OR5H14: variants seen among roughly 807,000 people sequenced by gnomAD.
The protein encoded by OR5H14 is olfactory receptor 5H14.
For synonymous variants in OR5H14, 155 were observed against 130.6 expected (o/e 1.19, Z -1.28); for missense variants, 392 against 363.9 (o/e 1.08, Z -0.63).
At position 98,151,455 on chromosome 3, in the gene OR5H14, C is replaced by G. The variant is rs1708506657; in HGVS notation, c.*1137C>G. On this transcript the variant is annotated 3_prime_UTR_variant, in exon 2 of 2. Transcript: ENST00000641380. The stretch of plus-strand genomic sequence containing the variant: ...GACACTGAAATTCCTTTCACTTTGT[C>G]ACTGATACCGAGACCCTTATCCTAA... 6.6e-6 allele frequency: 1 copy of G among 152,122 alleles called. No homozygotes were observed. Among genetic ancestry groups the G allele is most frequent in the South Asian group, 2.1e-4 (1 of 4,816 alleles). 9.4% of individuals were successfully genotyped at this position (152,122 alleles called of 1,614,324 possible). A position where few individuals can be genotyped will look rare whatever the true frequency, so the allele number is the denominator to read the frequency against.
At position 98,150,468 on chromosome 3, in the gene OR5H14, A is replaced by T. The variant is rs1005577302; in HGVS notation, c.*150A>T. ...TATGATATAAGCACCTATTTAACTA[A>T]TTAAAATATTCCTATGTTATTCAAA... is the stretch of plus-strand genomic sequence containing the variant. On this transcript the variant is annotated 3_prime_UTR_variant, in exon 2 of 2. Transcript: ENST00000641380. 2.1e-6 allele frequency: 1 copy of T among 477,170 alleles called. No individual in the cohort carries two copies. The highest frequency in any genetic ancestry group is 3.7e-6 in the Non-Finnish European group (1 of 271,266). The allele number at this position is 477,170 out of a possible 1,614,324, so 29.6% of individuals were successfully genotyped here.
chr3:98,151,867 A>T lies in OR5H14; in HGVS notation c.*1549A>T, dbSNP rs4857334. The T allele has an allele frequency of 1.3e-5, 2 of 151,940 alleles. No homozygotes were observed. The highest frequency in any genetic ancestry group is 4.1e-4 in the South Asian group (2 of 4,830). The allele number at this position is 151,940 out of a possible 1,614,324, so 9.4% of individuals were successfully genotyped here. A position where few individuals can be genotyped will look rare whatever the true frequency, so the allele number is the denominator to read the frequency against. On this transcript the variant is annotated 3_prime_UTR_variant, in exon 2 of 2. Coordinates refer to ENST00000641380, the MANE Select transcript of OR5H14 (RefSeq NM_001005514.2). ...ACCTATCATCAGAGTGAACAGGCAA[A>T]CTGCAGAATGGGAGAAAATTTTTGC...
chr3:98,147,886 CTGATA>C (rs1011137838), intron 1 of OR5H14, among the ~76,000 whole-genome samples: 3 of 151,890 alleles, frequency 2.0e-5, no homozygotes, highest in South Asian at 2.1e-4. Context: ...TGGAATTATT[CTGATA>C]TAAGTACCCA....
In OR5H14 at chr3:98,156,203, T is replaced by C. The variant is rs1708587933; in HGVS notation, c.*5885T>C. ...CTGTGTTATTATCAGATATGCTCTA[T>C]TATGTATTTTTCTCTGCTTTAGAAA... On this transcript the variant is annotated 3_prime_UTR_variant, in exon 2 of 2. Transcript: ENST00000641380. 2 of 152,186 alleles carry C rather than the reference T, an allele frequency of 1.3e-5. No individual in the cohort carries two copies. Among genetic ancestry groups the C allele is most frequent in the South Asian group, 4.1e-4 (2 of 4,830 alleles). The allele number at this position is 152,186 out of a possible 1,614,324, so 9.4% of individuals were successfully genotyped here.
chr3:98,151,796 G>A lies in OR5H14; in HGVS notation c.*1478G>A. 1 of 152,096 alleles carries A rather than the reference G, an allele frequency of 6.6e-6. No homozygotes were observed. Among genetic ancestry groups the A allele is most frequent in the East Asian group, 1.9e-4 (1 of 5,186 alleles). The allele number at this position is 152,096 out of a possible 1,614,324, so 9.4% of individuals were successfully genotyped here. ...TTCCAGTAGAAAGTTCCTACTTAGA[G>A]GTGAGTTGATGGTTTCTGATTGGTT... On this transcript the variant is annotated 3_prime_UTR_variant, in exon 2 of 2. Coordinates refer to ENST00000641380, the MANE Select transcript of OR5H14 (RefSeq NM_001005514.2).
intron 1 of OR5H14, 126 bp from the exon 2 acceptor site, chr3:98,149,242 A>G: frequency 9.6e-7 from 1 of 1,037,154 alleles, no homozygotes; most frequent in Non-Finnish European, 1.4e-6. Flanking sequence ...AGGATTTCTT[A>G]TTTATAATAA....
In OR5H14 at chr3:98,153,957, C is replaced by T. The variant is rs1380725325; in HGVS notation, c.*3639C>T. The T allele has an allele frequency of 6.6e-6, 1 of 152,152 alleles. No homozygotes were observed. Among genetic ancestry groups the T allele is most frequent in the Non-Finnish European group, 1.5e-5 (1 of 68,034 alleles). 9.4% of individuals were successfully genotyped at this position (152,152 alleles called of 1,614,324 possible). On this transcript the variant is annotated 3_prime_UTR_variant, in exon 2 of 2. Transcript: ENST00000641380. ...ATAATGAATGCACTATAATTTTCTA[C>T]TGAAATATATTTTCAAATATTTGAA...
chr3:98,150,476 A>G lies in OR5H14; in HGVS notation c.*158A>G. ...AAGCACCTATTTAACTAATTAAAAT[A>G]TTCCTATGTTATTCAAAAGGATTTG... On this transcript the variant is annotated 3_prime_UTR_variant, in exon 2 of 2. Coordinates refer to ENST00000641380, the MANE Select transcript of OR5H14 (RefSeq NM_001005514.2). The G allele has an allele frequency of 4.3e-6, 2 of 465,664 alleles. No homozygotes were observed. Among genetic ancestry groups the G allele is most frequent in the South Asian group, 5.9e-5 (1 of 16,862 alleles). The allele number at this position is 465,664 out of a possible 1,614,324, so 28.8% of individuals were successfully genotyped here. A position where few individuals can be genotyped will look rare whatever the true frequency, so the allele number is the denominator to read the frequency against.
rs372260126 is a variant in OR5H14, at chr3:98,149,926, A to T, written c.541A>T (p.Ile181Phe). 56 of 1,613,460 alleles carry T rather than the reference A, an allele frequency of 3.5e-5. No homozygotes were observed. The African/African-American group carries it at 5.9e-4, about 17-fold the overall frequency. ...SNIIQHFYCD[I>F]IPLLKISYTD... ...CATAATACAACACTTTTACTGTGAC[A>T]TTATCCCATTGTTAAAGATTTCTTA... The change falls in exon 2 of 2, where the codon ATT (isoleucine) becomes TTT (phenylalanine). Residue 181 changes from isoleucine to phenylalanine, a missense_variant. Transcript: ENST00000641380.
At chr3:98,148,801 T>C (rs1433800209) in intron 1 of OR5H14, among the ~76,000 whole-genome samples, 3 of 152,046 alleles carry the variant, frequency 2.0e-5, no homozygotes, top group Non-Finnish European at 2.9e-5. Flanking sequence ...TCACAATCTA[T>C]ATTTTTCATA....
At chr3:98,148,816 AC>A (rs2107316531) in intron 1 of OR5H14, among the ~76,000 whole-genome samples, 1 of 152,010 alleles carries the variant, frequency 6.6e-6, no homozygotes, top group African/African-American at 2.4e-5. Flanking sequence ...TTCATAAAAC[AC>A]CCTCCCAGAT....
chr3:98,155,474 C>T lies in OR5H14; in HGVS notation c.*5156C>T, dbSNP rs73856105. The T allele has an allele frequency of 9.2e-5, 14 of 151,982 alleles. No individual in the cohort carries two copies. The highest frequency in any genetic ancestry group is 3.1e-4 in the African/African-American group (13 of 41,368). 9.4% of individuals were successfully genotyped at this position (151,982 alleles called of 1,614,324 possible). ...TCTGGAAATTATATATAAACTAATCCGATAGAATGATAGAATGCCATTATG... is the reference window on the plus strand; with the variant it reads ...TCTGGAAATTATATATAAACTAATCTGATAGAATGATAGAATGCCATTATG... On this transcript the variant is annotated 3_prime_UTR_variant, in exon 2 of 2. Transcript: ENST00000641380.
Position 98,151,058 on chromosome 3 carries a change from T to A in OR5H14, c.*740T>A, listed in dbSNP as rs1192432087. The A allele has an allele frequency of 6.6e-6, 1 of 151,838 alleles. No individual in the cohort carries two copies. Among genetic ancestry groups the A allele is most frequent in the African/African-American group, 2.4e-5 (1 of 41,346 alleles). 9.4% of individuals were successfully genotyped at this position (151,838 alleles called of 1,614,324 possible). A position where few individuals can be genotyped will look rare whatever the true frequency, so the allele number is the denominator to read the frequency against. On this transcript the variant is annotated 3_prime_UTR_variant, in exon 2 of 2. Coordinates refer to ENST00000641380, the MANE Select transcript of OR5H14 (RefSeq NM_001005514.2). Reference sequence around the variant, plus strand: ...GAAAAGCTTCCCTAAATCAGAAAATTAAATGAAAAAATAGAACTTAGTTTA... The same window carrying A: ...GAAAAGCTTCCCTAAATCAGAAAATAAAATGAAAAAATAGAACTTAGTTTA...
rs1708563335 is a variant in OR5H14, at chr3:98,154,862, CA to C, written c.*4547del. 1 of 152,030 alleles carries C rather than the reference CA, an allele frequency of 6.6e-6. No individual in the cohort carries two copies. The highest frequency in any genetic ancestry group is 6.6e-5 in the Admixed American group (1 of 15,258). The allele number at this position is 152,030 out of a possible 1,614,324, so 9.4% of individuals were successfully genotyped here. ...AGATGGTAACAGTCTCTCCTCAAAGCAAACTTCCTCCTAGCTTGGGGATCTG... is the reference window on the plus strand; with the variant it reads ...AGATGGTAACAGTCTCTCCTCAAAGCAACTTCCTCCTAGCTTGGGGATCTG... On this transcript the variant is annotated 3_prime_UTR_variant, in exon 2 of 2. Transcript: ENST00000641380.
At chr3:98,148,857 G>T (rs1215612057) in intron 1 of OR5H14, among the ~76,000 whole-genome samples, 1 of 151,912 alleles carries the variant, frequency 6.6e-6, no homozygotes, top group Non-Finnish European at 1.5e-5. Flanking sequence ...GTTTGGGATT[G>T]CTGGAACCTT....
intron 1 of OR5H14, among the ~76,000 whole-genome samples, chr3:98,148,781 C>T (rs1427305643): frequency 1.3e-5 from 2 of 151,990 alleles, no homozygotes; most frequent in African/African-American, 4.8e-5. Flanking sequence ...TCAATTTCTA[C>T]ATTAAAATCT....
rs1708467957 is a variant in OR5H14 at position 98,149,485 on chromosome 3, A to G, written c.100A>G (p.Ile34Val). 1 of 1,613,460 alleles carries G rather than the reference A, an allele frequency of 6.2e-7. No homozygotes were observed. The highest frequency in any genetic ancestry group is 8.5e-7 in the Non-Finnish European group (1 of 1,179,558). Reference sequence around the variant, plus strand: ...ACCCCTGTTCCTGGCATTCTTGGTAATATATCTCATCACCATCATGGGGAA... The same window carrying G: ...ACCCCTGTTCCTGGCATTCTTGGTAGTATATCTCATCACCATCATGGGGAA... ...KIPLFLAFLVIYLITIMGNLG... is the reference protein window; with the variant it reads ...KIPLFLAFLVVYLITIMGNLG... The change falls in exon 2 of 2, where the codon ATA becomes GTA. Residue 34 changes from isoleucine to valine, a missense_variant. Transcript: ENST00000641380.
At chr3:98,147,754 T>G (rs984246825) in intron 1 of OR5H14, among the ~76,000 whole-genome samples, 200 bp downstream of exon 1, 2 of 152,062 alleles carry the variant, frequency 1.3e-5, no homozygotes, top group Non-Finnish European at 2.9e-5. Flanking sequence ...AAGACTGAAT[T>G]GTTCCTTTAA....
At chr3:98,148,395 T>C (rs1376219413) in intron 1 of OR5H14, among the ~76,000 whole-genome samples, 1 of 152,052 alleles carries the variant, frequency 6.6e-6, no homozygotes, top group Non-Finnish European at 1.5e-5. Context: ...AACTGTGCCT[T>C]TGACTATCAC....
Sources: allele counts gnomAD v4.1 joint callset (sites outside exome capture counted in the v4.1 genomes callset), GRCh38; gene constraint gnomAD v4.1.1; transcripts MANE v1.5; gene names NCBI Gene and HGNC (gene_info 2026-07-23, HGNC 2026-07-21).